The following HPF1 variants were observed in gnomAD, a reference collection of about 807,000 sequenced individuals.
The protein encoded by HPF1 is histone PARylation factor 1.
Under a neutral mutation model 38.8 loss-of-function variants are expected in HPF1, and 35 were observed. That is an observed-to-expected ratio of 0.90 (90% CI 0.69 to 1.19). The LOEUF is 1.19. Ranked by LOEUF, HPF1 falls within the 50% of genes most tolerant of loss-of-function variation. The pLI is 0.00. For synonymous variants in HPF1, 115 were observed against 139.2 expected (o/e 0.83, Z 1.22); for missense variants, 367 against 405.8 (o/e 0.90, Z 0.82).
intron 6 of HPF1, among the ~76,000 whole-genome samples, chr4:169,736,530 A>G (rs1406671670): frequency 6.6e-6 from 1 of 152,150 alleles, no homozygotes; most frequent in African/African-American, 2.4e-5. Flanking sequence ...CCGTATGAGT[A>G]GCTGCCATCT....
rs780730712 is a variant in HPF1 at position 169,737,752 on chromosome 4, A to C, written c.649-5T>G. 3 of 1,589,532 alleles carry C rather than the reference A, an allele frequency of 1.9e-6. No homozygotes were observed. The African/African-American group carries it at 4.0e-5, about 21-fold the overall frequency. The stretch of plus-strand genomic sequence containing the variant: ...ATGAAAGGTCTTTGTCACAACCTAC[A>C]TTAAAGAAAAGAATAAAATGTAATC... On this transcript the variant is annotated splice_region_variant and splice_polypyrimidine_tract_variant and intron_variant, in intron 5 of 7. Transcript: ENST00000393381.
intron 2 of HPF1, among the ~76,000 whole-genome samples, chr4:169,752,168 C>CTTTTTTT (rs35247508): frequency 9.3e-5 from 10 of 107,178 alleles, no homozygotes; most frequent in East Asian, 5.3e-4. Context: ...ACAGGCATGA[C>CTTTTTTT]TTTTTTTTTT....
chr4:169,743,960 A>G (rs185696960), intron 4 of HPF1, among the ~76,000 whole-genome samples: 2 of 152,258 alleles, frequency 1.3e-5, no homozygotes, highest in African/African-American at 4.8e-5. Context: ...TACCAGTAGA[A>G]CTGGTAGATT....
At chr4:169,752,318 C>G (rs746455093) in intron 2 of HPF1, among the ~76,000 whole-genome samples, 1 of 151,748 alleles carries the variant, frequency 6.6e-6, no homozygotes, top group East Asian at 1.9e-4. Flanking sequence ...TACAGGCACC[C>G]GCCACCACGC....
In HPF1 at chr4:169,753,382, G is replaced by A. The variant is rs186289044; in HGVS notation, c.208+294C>T. Among the ~76,000 whole-genome samples the A allele has an allele frequency of 6.6e-5, 10 of 152,314 alleles. No homozygotes were observed. The East Asian group carries it at 1.9e-3, about 29-fold the overall frequency. On this transcript the variant is annotated intron_variant, in intron 2 of 7. Transcript: ENST00000393381. ...GGGTCTTGCTCTGTCACTGAGGCTG[G>A]AGTGATCAGAGCTCACTGCAACCTC...
At chr4:169,756,835 C>T (rs1734193575) in intron 1 of HPF1, among the ~76,000 whole-genome samples, 1 of 152,196 alleles carries the variant, frequency 6.6e-6, no homozygotes, top group African/African-American at 2.4e-5. Context: ...CCTTTACTCA[C>T]ACACTAGTTC....
At chr4:169,737,876 T>G (rs1378698876) in intron 5 of HPF1, 129 bp from the exon 6 acceptor site, 3 of 665,388 alleles carry the variant, frequency 4.5e-6, no homozygotes, top group Admixed American at 2.8e-5. Flanking sequence ...TCAGTAAATT[T>G]GGACTCCAGG....
At chr4:169,737,491 G>C (rs1298237652) in intron 6 of HPF1, among the ~76,000 whole-genome samples, 169 bp downstream of exon 6, 1 of 151,950 alleles carries the variant, frequency 6.6e-6, no homozygotes, top group African/African-American at 2.4e-5. Flanking sequence ...CTATGAACTC[G>C]GTTTTAATTC....
At chr4:169,732,456 A>T (rs543175892) in intron 6 of HPF1, among the ~76,000 whole-genome samples, 5 of 152,252 alleles carry the variant, frequency 3.3e-5, no homozygotes, top group African/African-American at 1.2e-4. Flanking sequence ...TGATTTTTTT[A>T]AAAAGTCTAT....
Position 169,757,701 on chromosome 4 carries a change from C to A in HPF1, c.48+129G>T, listed in dbSNP as rs1046240083. The A allele has an allele frequency of 5.7e-5, 53 of 930,114 alleles. No homozygotes were observed. In the African/African-American group the frequency reaches 8.1e-4, roughly 14 times the overall value. 57.6% of individuals were successfully genotyped at this position (930,114 alleles called of 1,614,324 possible). Reference sequence around the variant, plus strand: ...ACAGCGGCCCTGGGCAGGATCCCCGCAGCAAACCGCAGCCCCTGGACACAC... The same window carrying A: ...ACAGCGGCCCTGGGCAGGATCCCCGAAGCAAACCGCAGCCCCTGGACACAC... On this transcript the variant is annotated intron_variant, in intron 1 of 7. Transcript: ENST00000393381.
At chr4:169,730,836 G>A (rs72696674) in intron 7 of HPF1, among the ~76,000 whole-genome samples, 1 of 152,202 alleles carries the variant, frequency 6.6e-6, no homozygotes, top group Non-Finnish European at 1.5e-5. Context: ...GTCTGCAGGT[G>A]AGTCATATGC....
chr4:169,741,291 G>A (rs1207893581), intron 5 of HPF1, among the ~76,000 whole-genome samples: 1 of 152,200 alleles, frequency 6.6e-6, no homozygotes, highest in Non-Finnish European at 1.5e-5. Flanking sequence ...GACAAATGGT[G>A]AGAGGCTGGA....
At chr4:169,732,547 C>T (rs1415505466) in intron 6 of HPF1, among the ~76,000 whole-genome samples, 1 of 152,182 alleles carries the variant, frequency 6.6e-6, no homozygotes, top group Admixed American at 6.5e-5. Context: ...TTGGGCAAAC[C>T]TGGCTCACCC....
intron 4 of HPF1, among the ~76,000 whole-genome samples, chr4:169,742,530 C>T (rs956813479): frequency 9.9e-5 from 15 of 152,192 alleles, no homozygotes; most frequent in Admixed American, 7.9e-4. Context: ...CAGTGGCTCA[C>T]GCCTGTAATC....
At chr4:169,743,480 G>T (rs1479103773) in intron 4 of HPF1, among the ~76,000 whole-genome samples, 7 of 133,670 alleles carry the variant, frequency 5.2e-5, no homozygotes, top group African/African-American at 2.0e-4. Flanking sequence ...AAGGTCGATA[G>T]ATTTTTTTTT....
intron 6 of HPF1, 170 bp from the exon 7 acceptor site, chr4:169,732,046 G>T: frequency 2.0e-6 from 1 of 505,910 alleles, no homozygotes; most frequent in Non-Finnish European, 3.5e-6. Flanking sequence ...TGGCAATTTG[G>T]TAACTTTTCT....
At position 169,753,843 on chromosome 4, in the gene HPF1, T is replaced by C; in HGVS notation, c.49-8A>G. Reference sequence around the variant, plus strand: ...ATCAGTTGTTTTTTCACACTGAAAATTGGCACACAAACTTTAGTTCTCCAA... The same window carrying C: ...ATCAGTTGTTTTTTCACACTGAAAACTGGCACACAAACTTTAGTTCTCCAA... On this transcript the variant is annotated splice_polypyrimidine_tract_variant and splice_region_variant and intron_variant, in intron 1 of 7. Transcript: ENST00000393381. 1.2e-6 allele frequency: 2 copies of C among 1,602,210 alleles called. No individual in the cohort carries two copies. The highest frequency in any genetic ancestry group is 1.7e-6 in the Non-Finnish European group (2 of 1,175,868).
intron 6 of HPF1, 64 bp downstream of exon 6, chr4:169,737,596 A>G: frequency 9.5e-7 from 1 of 1,056,918 alleles, no homozygotes; most frequent in Non-Finnish European, 1.5e-6. Context: ...ACTTCCCAAT[A>G]TAAGCAAAAC....
chr4:169,744,903 TA>T (rs1734026867), intron 4 of HPF1, among the ~76,000 whole-genome samples: 2 of 151,744 alleles, frequency 1.3e-5, no homozygotes, highest in Admixed American at 1.3e-4. Context: ...CAATGTCATC[TA>T]AAATGCTACA....
Sources: gnomAD v4.1 joint callset for allele counts (sites outside exome capture counted in the v4.1 genomes callset) on GRCh38, gnomAD v4.1.1 for gene constraint, MANE v1.5 for transcripts, NCBI Gene and HGNC (gene_info 2026-07-23, HGNC 2026-07-21) for gene names.